BMPR1B: variants seen among roughly 807,000 people sequenced by gnomAD.
The protein encoded by BMPR1B is bone morphogenetic protein receptor type 1B.
Under a neutral mutation model 59.1 loss-of-function variants are expected in BMPR1B, and 12 were observed. The observed-to-expected ratio is 0.20, with a 90% confidence interval of 0.13 to 0.33. BMPR1B has a LOEUF of 0.33. Ranked by LOEUF, BMPR1B falls within the 10% of genes least tolerant of loss-of-function variation. The pLI is 1.00. For synonymous variants in BMPR1B, 237 were observed against 207.3 expected, an observed-to-expected ratio of 1.14 and a Z score of -1.23; for missense variants, 550 against 610.9, an observed-to-expected ratio of 0.90 and a Z score of 1.05.
intron 2 of BMPR1B, among the ~76,000 whole-genome samples, chr4:94,928,915 C>G (rs1227548442): frequency 6.6e-6 from 1 of 151,982 alleles, no homozygotes; most frequent in Non-Finnish European, 1.5e-5. Flanking sequence ...ATTAATTTTA[C>G]TATTCTCATA....
rs1735470096 is a variant in BMPR1B, at chr4:95,156,907, A to G, written c.*2234A>G. 1 of 152,134 alleles carries G rather than the reference A, an allele frequency of 6.6e-6. No individual in the cohort carries two copies. The highest frequency in any genetic ancestry group is 1.5e-5 in the Non-Finnish European group (1 of 68,022). 9.4% of individuals were successfully genotyped at this position (152,134 alleles called of 1,614,324 possible). The stretch of plus-strand genomic sequence containing the variant: ...AGATCATCTACAAAACAACAGGTAA[A>G]CATTTATGCCAGTTAAGTGGGTCAT... On this transcript the variant is annotated 3_prime_UTR_variant, in exon 13 of 13. Coordinates refer to ENST00000515059, the MANE Select transcript of BMPR1B (RefSeq NM_001203.3).
At chr4:94,907,408 G>A (rs1233858451) in intron 2 of BMPR1B, among the ~76,000 whole-genome samples, 1 of 152,010 alleles carries the variant, frequency 6.6e-6, no homozygotes, top group African/African-American at 2.4e-5. Context: ...CATTAAACAG[G>A]CAATATTTAT....
intron 3 of BMPR1B, among the ~76,000 whole-genome samples, chr4:95,047,958 C>T (rs1297020449): frequency 6.6e-6 from 1 of 152,066 alleles, no homozygotes; most frequent in Non-Finnish European, 1.5e-5. Context: ...TGTCTCCTTC[C>T]CCACTCCAGT....
intron 2 of BMPR1B, among the ~76,000 whole-genome samples, chr4:94,926,082 C>T (rs1728880713): frequency 8.1e-6 from 1 of 122,772 alleles, no homozygotes; most frequent in African/African-American, 3.1e-5. Context: ...CCGTCTCCCT[C>T]CCCTTCTCTC....
chr4:94,906,527 A>G (rs914527567), intron 2 of BMPR1B, among the ~76,000 whole-genome samples: 1 of 152,012 alleles, frequency 6.6e-6, no homozygotes, highest in African/African-American at 2.4e-5. Context: ...TCCTTTCCAA[A>G]TACCTAATGC....
intron 2 of BMPR1B, among the ~76,000 whole-genome samples, chr4:94,991,728 A>G (rs1721771568): frequency 6.6e-6 from 1 of 152,176 alleles, no homozygotes; most frequent in South Asian, 2.1e-4. Context: ...GGGCTAGGCT[A>G]TATGGACCAT....
At chr4:95,038,087 C>T (rs1387240904) in intron 3 of BMPR1B, among the ~76,000 whole-genome samples, 1 of 152,040 alleles carries the variant, frequency 6.6e-6, no homozygotes, top group East Asian at 1.9e-4. Context: ...TACTAGGGTA[C>T]CTTTCAATGA....
chr4:95,094,468 A>T (rs1730222113), intron 3 of BMPR1B, among the ~76,000 whole-genome samples: 1 of 151,982 alleles, frequency 6.6e-6, no homozygotes, highest in South Asian at 2.1e-4. Flanking sequence ...AACGGGAGAT[A>T]AAGGAGTAGG....
chr4:95,076,603 A>G (rs1728731658), intron 3 of BMPR1B, among the ~76,000 whole-genome samples: 1 of 152,086 alleles, frequency 6.6e-6, no homozygotes, highest in African/African-American at 2.4e-5. Flanking sequence ...ATGAAAGTTC[A>G]TGGAGGTTAA....
chr4:94,799,715 G>A (rs1246784865), intron 1 of BMPR1B, among the ~76,000 whole-genome samples: 1 of 149,804 alleles, frequency 6.7e-6, no homozygotes, highest in Admixed American at 6.7e-5. Context: ...TTCTGAGACA[G>A]AGTCTCACTC....
At chr4:94,803,522 T>C (rs1182254070) in intron 1 of BMPR1B, among the ~76,000 whole-genome samples, 3 of 152,258 alleles carry the variant, frequency 2.0e-5, no homozygotes, top group South Asian at 4.1e-4. Context: ...TTTCTTCTCT[T>C]TTATTTTCCT....
intron 1 of BMPR1B, among the ~76,000 whole-genome samples, chr4:94,812,451 T>G (rs1368933017): frequency 6.6e-6 from 1 of 152,192 alleles, no homozygotes; most frequent in African/African-American, 2.4e-5. Flanking sequence ...GTAGACATTT[T>G]GTGATTTATG....
At chr4:94,793,439 C>T (rs1352992209) in intron 1 of BMPR1B, among the ~76,000 whole-genome samples, 2 of 151,258 alleles carry the variant, frequency 1.3e-5, no homozygotes, top group African/African-American at 2.4e-5. Flanking sequence ...TGGGTTGGTT[C>T]CAAGTCTTTG....
At chr4:94,902,424 A>G (rs967718870) in intron 2 of BMPR1B, among the ~76,000 whole-genome samples, 2 of 151,904 alleles carry the variant, frequency 1.3e-5, no homozygotes, top group African/African-American at 2.4e-5. Context: ...AAAAACCTGA[A>G]TGAAATTATA....
chr4:95,076,649 G>A (rs1728735172), intron 3 of BMPR1B, among the ~76,000 whole-genome samples: 2 of 152,058 alleles, frequency 1.3e-5, no homozygotes, highest in Admixed American at 1.3e-4. Flanking sequence ...AATTATCCAA[G>A]TAATCAGTGG....
At chr4:95,103,947 A>T (rs1223446491) in intron 3 of BMPR1B, among the ~76,000 whole-genome samples, 1 of 151,858 alleles carries the variant, frequency 6.6e-6, no homozygotes, top group East Asian at 1.9e-4. Context: ...AGACTCTGTG[A>T]TATGGTAGAT....
At chr4:95,062,778 G>A (rs1727497651) in intron 3 of BMPR1B, among the ~76,000 whole-genome samples, 1 of 152,094 alleles carries the variant, frequency 6.6e-6, no homozygotes, top group South Asian at 2.1e-4. Flanking sequence ...GGCAATTGCT[G>A]TAGAATGTTT....
At chr4:94,972,442 A>T (rs903523438) in intron 2 of BMPR1B, among the ~76,000 whole-genome samples, 2 of 151,482 alleles carry the variant, frequency 1.3e-5, no homozygotes, top group Non-Finnish European at 2.9e-5. Context: ...ATTTTGGTTA[A>T]TTTTTTTTTC....
chr4:95,134,268 A>G (rs1733603955), intron 10 of BMPR1B, among the ~76,000 whole-genome samples: 1 of 152,074 alleles, frequency 6.6e-6, no homozygotes, highest in Admixed American at 6.6e-5. Context: ...AATCCAGTCT[A>G]TCATCGATGT....
Sources: gnomAD v4.1 joint callset for allele counts (sites outside exome capture counted in the v4.1 genomes callset) on GRCh38, gnomAD v4.1.1 for gene constraint, MANE v1.5 for transcripts, NCBI Gene and HGNC (gene_info 2026-07-23, HGNC 2026-07-21) for gene names.